The following DMD variants were observed in gnomAD, a reference collection of about 807,000 sequenced individuals.
DMD encodes dystrophin.
In DMD, 63 loss-of-function variants were observed where a neutral mutation model predicts 330.1. The observed-to-expected ratio is 0.19, with a 90% CI of 0.16 to 0.24. The LOEUF (loss-of-function observed/expected upper bound fraction) is 0.24. DMD is among the 10% of genes least tolerant of loss of function. The pLI, the probability that DMD is intolerant of heterozygous loss-of-function variation, is 1.00. For missense variants in DMD, 3,344 were observed against 2,684.1 expected, an observed-to-expected ratio of 1.25 and a Z score of -5.43; for synonymous variants, 1,223 against 959.8, an observed-to-expected ratio of 1.27 and a Z score of -5.07.
chrX:31,285,105 G>C (rs1394495787), intron 62 of DMD, among the ~76,000 whole-genome samples: 1 of 112,008 alleles, frequency 8.9e-6, no homozygotes, highest in African/African-American at 3.2e-5. Context: ...ATGATCATTA[G>C]ATGATGATAA....
intron 7 of DMD, among the ~76,000 whole-genome samples, chrX:32,729,021 T>A (rs546641495): frequency 1.8e-5 from 2 of 112,144 alleles, no homozygotes; most frequent in East Asian, 5.6e-4. Flanking sequence ...CAGCAGATAC[T>A]TTTTTCACAG....
intron 18 of DMD, among the ~76,000 whole-genome samples, chrX:32,506,604 T>C (rs2044654248): frequency 8.9e-6 from 1 of 111,768 alleles, no homozygotes; most frequent in South Asian, 3.7e-4. Context: ...ACATTTTACA[T>C]GGTGCTCTGA....
At chrX:31,509,780 TAAAC>T (rs780893980) in intron 55 of DMD, among the ~76,000 whole-genome samples, 37 of 112,485 alleles carry the variant, frequency 3.3e-4, no homozygotes, top group Admixed American at 4.7e-4. Flanking sequence ...ATAAAATTGA[TAAAC>T]AAGCATTTAT....
chrX:31,412,444 G>A (rs754160049), intron 60 of DMD, among the ~76,000 whole-genome samples: 5 of 112,031 alleles, frequency 4.5e-5, no homozygotes, highest in East Asian at 2.8e-4. Flanking sequence ...AAGTTCTGGT[G>A]AAGGAACTAT....
At position 31,499,793 on chromosome X, in the gene DMD, G is replaced by A. The variant is rs372817989; in HGVS notation, c.8391-2849C>T. Among the ~76,000 whole-genome samples, 227 of 111,727 alleles carry A rather than the reference G, an allele frequency of 2.0e-3. 1 individual carries two copies. Among genetic ancestry groups the A allele is most frequent in the Non-Finnish European group, 3.5e-3 (187 of 53,058 alleles). On this transcript the variant is annotated intron_variant, in intron 56 of 78. Transcript: ENST00000357033. Reference sequence around the variant, plus strand: ...GAGGCGTAAGCTACCACACCCAGCCGGGAATTCAGTTCTAAAGGATCTAAG... The same window carrying A: ...GAGGCGTAAGCTACCACACCCAGCCAGGAATTCAGTTCTAAAGGATCTAAG...
At position 31,875,290 on chromosome X, in the gene DMD, G is replaced by A; in HGVS notation, c.6996C>T (p.Asp2332=). The part of the protein sequence containing the change: ...DLGQLEKKLE[D]LEEQLNHLLL... ...GCAGATGATTTAACTGCTCTTCAAG[G>A]TCTTCAAGCTTTTTTTCAAGCTGCC... The change falls in exon 48 of 79, where the codon GAC becomes GAT. Residue 2332 remains aspartate (D), a synonymous_variant. Coordinates refer to ENST00000357033, the MANE Select transcript of DMD (RefSeq NM_004006.3). 8.4e-7 allele frequency: 1 copy of A among 1,192,630 alleles called. No homozygotes were observed. The highest frequency in any genetic ancestry group is 1.1e-6 in the Non-Finnish European group (1 of 882,732).
chrX:32,630,355 A>G (rs1207942120), intron 11 of DMD, among the ~76,000 whole-genome samples: 2 of 109,648 alleles, frequency 1.8e-5, no homozygotes, highest in African/African-American at 6.7e-5. Flanking sequence ...CGCTTTTAAG[A>G]TCTTTTCTTT....
At chrX:32,848,184 A>G (rs947415047) in intron 3 of DMD, among the ~76,000 whole-genome samples, 2 of 112,084 alleles carry the variant, frequency 1.8e-5, no homozygotes, top group African/African-American at 6.5e-5. Context: ...GGGCCAGGAC[A>G]AGATGAGTAA....
rs1462188703 is a variant in DMD at position 33,072,178 on chromosome X, G to T, written c.32-51978C>A. ...CACGCCTGTAATCCCAGCACTTTGGGAGGCCAAGGCAGGCGGATCACCTGA... is the reference window on the plus strand; with the variant it reads ...CACGCCTGTAATCCCAGCACTTTGGTAGGCCAAGGCAGGCGGATCACCTGA... On this transcript the variant is annotated intron_variant, in intron 1 of 78. Coordinates refer to ENST00000357033, the MANE Select transcript of DMD (RefSeq NM_004006.3). Among the ~76,000 whole-genome samples, 13 of 112,374 alleles carry T rather than the reference G, an allele frequency of 1.2e-4. No homozygotes were observed. In the Admixed American group the frequency reaches 1.2e-3, roughly 11 times the overall value.
At chrX:32,364,870 A>G (rs2097848983) in intron 35 of DMD, 150 bp downstream of exon 35, 1 of 707,969 alleles carries the variant, frequency 1.4e-6, no homozygotes, top group African/African-American at 2.2e-5. Context: ...ATAAAGAAAA[A>G]TATATTAAAA....
In DMD at chrX:32,644,125, G is replaced by A. The variant is rs990901771; in HGVS notation, c.1331+7C>T. On this transcript the variant is annotated splice_region_variant and intron_variant, in intron 11 of 78. Coordinates refer to ENST00000357033, the MANE Select transcript of DMD (RefSeq NM_004006.3). ...GTCTTCTTAATTAAAAACAAATAAG[G>A]ACTTACTTGCTTTGTTTTTCCATGC... is the stretch of plus-strand genomic sequence containing the variant. The A allele has an allele frequency of 2.5e-6, 3 of 1,195,319 alleles. No homozygotes were observed. The highest frequency in any genetic ancestry group is 3.4e-6 in the Non-Finnish European group (3 of 884,436).
At chrX:31,837,941 A>G (rs2093239452) in intron 48 of DMD, among the ~76,000 whole-genome samples, 1 of 112,428 alleles carries the variant, frequency 8.9e-6, no homozygotes, top group Admixed American at 9.5e-5. Context: ...ATTGTACATA[A>G]CTAACCTCAT....
chrX:32,134,050 T>C (rs964922305), intron 44 of DMD, among the ~76,000 whole-genome samples: 3 of 111,795 alleles, frequency 2.7e-5, no homozygotes, highest in Non-Finnish European at 5.6e-5. Flanking sequence ...AATGTCACCT[T>C]CTCAATGAAG....
At chrX:32,679,866 T>A (rs1364613684) in intron 9 of DMD, among the ~76,000 whole-genome samples, 2 of 103,202 alleles carry the variant, frequency 1.9e-5, no homozygotes, top group Admixed American at 1.1e-4. Context: ...AAACGTTCAC[T>A]AAATTGTTGA....
At chrX:32,725,907 C>T (rs1369077852) in intron 7 of DMD, among the ~76,000 whole-genome samples, 2 of 111,102 alleles carry the variant, frequency 1.8e-5, no homozygotes, top group African/African-American at 6.5e-5. Flanking sequence ...TTATTATTTA[C>T]TGCATGCCTT....
At chrX:32,746,603 G>A (rs2070048435) in intron 7 of DMD, among the ~76,000 whole-genome samples, 1 of 111,482 alleles carries the variant, frequency 9.0e-6, no homozygotes, top group African/African-American at 3.3e-5. Context: ...ATATTTAGGA[G>A]GTACAGAGTG....
At chrX:32,826,577 C>A (rs1182218524) in intron 4 of DMD, among the ~76,000 whole-genome samples, 1 of 111,487 alleles carries the variant, frequency 9.0e-6, no homozygotes, top group African/African-American at 3.3e-5. Flanking sequence ...TACGTTACGT[C>A]AAATGACATA....
intron 50 of DMD, among the ~76,000 whole-genome samples, chrX:31,801,364 C>T (rs950018504): frequency 9.0e-6 from 1 of 111,100 alleles, no homozygotes; most frequent in Non-Finnish European, 1.9e-5. Flanking sequence ...CAATTACTTC[C>T]CCCTGGGTCC....
intron 47 of DMD, among the ~76,000 whole-genome samples, chrX:31,884,266 C>T (rs2094119625): frequency 9.0e-6 from 1 of 111,297 alleles, no homozygotes; most frequent in South Asian, 3.8e-4. Flanking sequence ...AATAAATGAA[C>T]GGTTAAAGAA....
Sources: gnomAD v4.1 joint callset for allele counts (sites outside exome capture counted in the v4.1 genomes callset) on GRCh38, gnomAD v4.1.1 for gene constraint, MANE v1.5 for transcripts, NCBI Gene and HGNC (gene_info 2026-07-23, HGNC 2026-07-21) for gene names.